The following METTL16 variants were observed in gnomAD, a reference collection of about 807,000 sequenced individuals.
METTL16 encodes RNA N(6)-adenosine-methyltransferase METTL16.
Under a neutral mutation model 57.9 loss-of-function variants are expected in METTL16, and 19 were observed. The observed-to-expected ratio is 0.33, with a 90% CI of 0.23 to 0.48. METTL16 has a LOEUF of 0.48. Among genes scored for constraint, METTL16 ranks in the 20% least tolerant of loss-of-function variants. The probability of loss-of-function intolerance (pLI) is 0.99; values close to 1 mark genes in which losing one functional copy is unlikely to be tolerated. For missense variants in METTL16, 434 were observed against 691.5 expected (o/e 0.63, Z 4.18); for synonymous variants, 246 against 255.6 (o/e 0.96, Z 0.36).
chr17:2,464,856 G>A (rs1445618801), intron 5 of METTL16, among the ~76,000 whole-genome samples: 2 of 152,078 alleles, frequency 1.3e-5, no homozygotes, highest in Admixed American at 1.3e-4. Flanking sequence ...TAATTTTCAT[G>A]AGCTTGGATT....
intron 8 of METTL16, among the ~76,000 whole-genome samples, chr17:2,424,881 G>A (rs980017534): frequency 1.3e-5 from 2 of 151,934 alleles, no homozygotes; most frequent in Non-Finnish European, 2.9e-5. Context: ...CCGGGAGGCG[G>A]ACCTTGCAGC....
intron 5 of METTL16, among the ~76,000 whole-genome samples, 192 bp downstream of exon 5, chr17:2,467,569 G>A (rs1597458405): frequency 6.6e-6 from 1 of 152,160 alleles, no homozygotes; most frequent in East Asian, 1.9e-4. Flanking sequence ...GGGATTACAG[G>A]CATGGGCCAT....
At chr17:2,509,224 T>A (rs2067569312) in intron 1 of METTL16, among the ~76,000 whole-genome samples, 1 of 152,204 alleles carries the variant, frequency 6.6e-6, no homozygotes, top group Non-Finnish European at 1.5e-5. Context: ...CTGTATACAA[T>A]AAATATTTTT....
rs1205995656 is a variant in METTL16, at chr17:2,448,775, AAAAAAT to A, written c.729-7222_729-7217del. Among the ~76,000 whole-genome samples the A allele has an allele frequency of 1.1e-3, 118 of 108,670 alleles. 1 individual carries two copies. Among genetic ancestry groups the A allele is most frequent in the Non-Finnish European group, 1.1e-3 (61 of 57,946 alleles). The allele number at this position is 108,670 out of a possible 152,430, so 71.3% of individuals were successfully genotyped here. ...AATAAAATAAAAAAAATAAAAAATAAAAAAATAAAAAAATAAAAATAAAATTTAAAA... is the reference window on the plus strand; with the variant it reads ...AATAAAATAAAAAAAATAAAAAATAAAAAAAAATAAAAATAAAATTTAAAA... On this transcript the variant is annotated intron_variant, in intron 6 of 9. Coordinates refer to ENST00000263092, the MANE Select transcript of METTL16 (RefSeq NM_024086.4).
At chr17:2,447,556 C>G (rs1290201854) in intron 6 of METTL16, among the ~76,000 whole-genome samples, 1 of 115,986 alleles carries the variant, frequency 8.6e-6, no homozygotes, top group Non-Finnish European at 1.7e-5. Flanking sequence ...CCTGGCCAGT[C>G]GCCCCGTCCA....
intron 6 of METTL16, among the ~76,000 whole-genome samples, chr17:2,445,368 C>A (rs1032924546): frequency 1.4e-4 from 22 of 152,110 alleles, no homozygotes; most frequent in African/African-American, 5.3e-4. Flanking sequence ...AAAAAAATCA[C>A]CTAATGATGC....
intron 2 of METTL16, among the ~76,000 whole-genome samples, chr17:2,493,599 A>G (rs188585576): frequency 6.6e-6 from 1 of 151,808 alleles, no homozygotes. Context: ...CATGCCTATA[A>G]TTCCAGCTAC....
At chr17:2,486,987 G>C (rs575352435) in intron 2 of METTL16, among the ~76,000 whole-genome samples, 19 of 107,960 alleles carry the variant, frequency 1.8e-4, no homozygotes, top group African/African-American at 6.5e-4. Context: ...CTGGGCAACA[G>C]AGTGAGATCC....
intron 1 of METTL16, 37 bp downstream of exon 1, chr17:2,511,722 T>C (rs2067590800): frequency 2.5e-6 from 1 of 397,128 alleles, no homozygotes; most frequent in African/African-American, 2.1e-5. Context: ...AAGTGACCCA[T>C]GATAGTAAAT....
intron 6 of METTL16, among the ~76,000 whole-genome samples, chr17:2,461,190 T>TA (rs1311888169): frequency 6.6e-6 from 1 of 151,526 alleles, no homozygotes; most frequent in Non-Finnish European, 1.5e-5. Flanking sequence ...CCAACACTAC[T>TA]AAAAAAAATA....
chr17:2,510,662 T>G (rs563920639), intron 1 of METTL16, among the ~76,000 whole-genome samples: 34 of 152,192 alleles, frequency 2.2e-4, no homozygotes, highest in Non-Finnish European at 4.1e-4. Flanking sequence ...TGGGCATCAA[T>G]TCTTTTTTTT....
At chr17:2,468,904 T>C (rs1490082273) in intron 4 of METTL16, among the ~76,000 whole-genome samples, 1 of 143,968 alleles carries the variant, frequency 6.9e-6, no homozygotes, top group Non-Finnish European at 1.5e-5. Flanking sequence ...AAAAATGTTT[T>C]TTTTTTGTTG....
At chr17:2,491,125 C>A (rs1305923237) in intron 2 of METTL16, among the ~76,000 whole-genome samples, 1 of 152,180 alleles carries the variant, frequency 6.6e-6, no homozygotes, top group Non-Finnish European at 1.5e-5. Flanking sequence ...CTGGGACATT[C>A]AAAAAACCTG....
rs770749141 is a variant in METTL16, at chr17:2,473,647, T to C, written c.346A>G (p.Ile116Val). ...AAGGTTGCTCCAAGTAAGGGGTAGA[T>C]GCAAGATGCCCCCGTGCCTAATAAA... is the stretch of plus-strand genomic sequence containing the variant. ...GIDIGTGASC[I>V]YPLLGATLNG... is the part of the protein sequence containing the mutation. Residue 116 changes from isoleucine to valine, a missense_variant, in exon 4 of 10, where the codon ATC (isoleucine) becomes GTC (valine). Around this residue, in one of 5 missense-constraint regions of METTL16, gnomAD observed 118 missense variants for 280.0 expected, o/e 0.42. Coordinates refer to ENST00000263092, the MANE Select transcript of METTL16 (RefSeq NM_024086.4). The C allele has an allele frequency of 2.5e-6, 4 of 1,614,058 alleles. No homozygotes were observed. The highest frequency in any genetic ancestry group is 3.4e-6 in the Non-Finnish European group (4 of 1,179,994).
chr17:2,478,862 C>T (rs2067284760), intron 2 of METTL16, among the ~76,000 whole-genome samples: 1 of 152,158 alleles, frequency 6.6e-6, no homozygotes, highest in South Asian at 2.1e-4. Flanking sequence ...TTTTGTTTAT[C>T]CATTCACCAG....
At chr17:2,498,808 C>T (rs2067465613) in intron 2 of METTL16, among the ~76,000 whole-genome samples, 1 of 151,534 alleles carries the variant, frequency 6.6e-6, no homozygotes, top group Non-Finnish European at 1.5e-5. Context: ...CCATACCACG[C>T]CCTTAAGAAA....
chr17:2,495,945 C>CT (rs1486124234), intron 2 of METTL16, among the ~76,000 whole-genome samples: 2 of 151,126 alleles, frequency 1.3e-5, no homozygotes, highest in South Asian at 2.1e-4. Flanking sequence ...CTTGTCTCTA[C>CT]TAAAAAATAC....
Position 2,419,913 on chromosome 17 carries a change from C to A in METTL16, c.*57G>T. The A allele has an allele frequency of 6.3e-7, 1 of 1,593,004 alleles. No homozygotes were observed. The highest frequency in any genetic ancestry group is 8.6e-7 in the Non-Finnish European group (1 of 1,167,344). On this transcript the variant is annotated 3_prime_UTR_variant, in exon 10 of 10. Coordinates refer to ENST00000263092, the MANE Select transcript of METTL16 (RefSeq NM_024086.4). ...GCTGGTAGGATTCCTCTTGCCACCC[C>A]ACAGGCCACTCCAAAGCAAGTTACT...
intron 2 of METTL16, among the ~76,000 whole-genome samples, chr17:2,485,691 T>C (rs1252126626): frequency 6.6e-6 from 1 of 152,232 alleles, no homozygotes; most frequent in Non-Finnish European, 1.5e-5. Flanking sequence ...CAAATAGTTA[T>C]TAAGTGTCAA....
Sources: allele counts gnomAD v4.1 joint callset (sites outside exome capture counted in the v4.1 genomes callset), GRCh38; gene constraint gnomAD v4.1.1; regional missense constraint gnomAD v4.1.1; transcripts MANE v1.5; gene names NCBI Gene and HGNC (gene_info 2026-07-23, HGNC 2026-07-21).